Variants in UBE2K observed in about 807,000 individuals in gnomAD.
UBE2K encodes the protein ubiquitin conjugating enzyme E2 K.
UBE2K carries 6 observed loss-of-function variants against 30.0 expected under a neutral mutation model. The ratio of observed to expected loss-of-function variants is 0.20; its 90% CI spans 0.11 to 0.39. The LOEUF is 0.39. Ranked by LOEUF, UBE2K falls within the 10% of genes least tolerant of loss-of-function variation. UBE2K has a pLI of 1.00. For missense variants in UBE2K, 61 were observed against 241.6 expected, an observed-to-expected ratio of 0.25 and a Z score of 4.96; for synonymous variants, 86 against 83.7, an observed-to-expected ratio of 1.03 and a Z score of -0.15.
chr4:39,705,186 G>GCCCAGCCAAGACTATATACT, intron 1 of UBE2K, among the ~76,000 whole-genome samples: 1 of 144,752 alleles, frequency 6.9e-6, no homozygotes, highest in East Asian at 2.1e-4. Context: ...ATGAGCCACT[G>GCCCAGCCAAGACTATATACT]CACCTGGGTT....
chr4:39,709,029 C>T (rs898386548), intron 1 of UBE2K, among the ~76,000 whole-genome samples: 3 of 151,018 alleles, frequency 2.0e-5, no homozygotes, highest in South Asian at 2.1e-4. Context: ...TAATTAAGGG[C>T]GTGGGCTTTA....
Position 39,755,381 on chromosome 4 carries a change from C to T in UBE2K, c.217-276C>T, listed in dbSNP as rs116244724. Among the ~76,000 whole-genome samples the T allele has an allele frequency of 4.8e-3, 738 of 152,286 alleles. 5 individuals carry two copies. Among genetic ancestry groups the T allele is most frequent in the Non-Finnish European group, 7.4e-3 (502 of 68,020 alleles). On this transcript the variant is annotated intron_variant, in intron 3 of 6. Coordinates refer to ENST00000261427, the MANE Select transcript of UBE2K (RefSeq NM_005339.5). ...ATTCTCTGTTGTATTCTCATAGCAT[C>T]TACCATTATTCTAGGTAAATTGTAA...
chr4:39,736,185 G>A (rs1339720288), intron 1 of UBE2K, among the ~76,000 whole-genome samples: 4 of 152,108 alleles, frequency 2.6e-5, no homozygotes, highest in South Asian at 2.1e-4. Context: ...GATATAGGCC[G>A]GGCACGGTGC....
intron 1 of UBE2K, among the ~76,000 whole-genome samples, chr4:39,729,691 T>G (rs1719966242): frequency 6.6e-6 from 1 of 152,172 alleles, no homozygotes; most frequent in African/African-American, 2.4e-5. Flanking sequence ...ACACTTCAAA[T>G]TTTTATTATT....
chr4:39,702,636 A>C (rs1320407323), intron 1 of UBE2K, among the ~76,000 whole-genome samples: 1 of 151,846 alleles, frequency 6.6e-6, no homozygotes, highest in Admixed American at 6.6e-5. Context: ...TAGTACATTA[A>C]GTTTTCCCTC....
intron 1 of UBE2K, among the ~76,000 whole-genome samples, chr4:39,707,628 C>G (rs1470171211): frequency 6.6e-6 from 1 of 151,150 alleles, no homozygotes; most frequent in Non-Finnish European, 1.5e-5. Context: ...TTCTAGCAGG[C>G]CTTCCACCTC....
intron 1 of UBE2K, chr4:39,714,298 GC>G: frequency 4.9e-6 from 1 of 204,230 alleles, no homozygotes. Flanking sequence ...TGAGCTGCCT[GC>G]CATCCAGTTT....
Position 39,713,286 on chromosome 4 carries a change from A to ATTTTTT in UBE2K, c.63+14907_63+14912dup, listed in dbSNP as rs56104487. ...TAGTTTTCTCCTTCTTCTGTAGGAA[A>ATTTTTT]TTTTTTTTTTTTTTTTGAGACAGTT... On this transcript the variant is annotated intron_variant, in intron 1 of 6. Transcript: ENST00000261427. Among the ~76,000 whole-genome samples the ATTTTTT allele has an allele frequency of 9.7e-4, 81 of 83,568 alleles. 3 individuals carry two copies. The highest frequency in any genetic ancestry group is 7.1e-3 in the Middle Eastern group (1 of 140). 54.8% of individuals were successfully genotyped at this position (83,568 alleles called of 152,430 possible). A position where few individuals can be genotyped will look rare whatever the true frequency, so the allele number is the denominator to read the frequency against.
intron 4 of UBE2K, among the ~76,000 whole-genome samples, chr4:39,769,102 G>A (rs752533419): frequency 6.6e-6 from 1 of 151,940 alleles, no homozygotes; most frequent in Admixed American, 6.6e-5. Context: ...AAAGTATTGG[G>A]ATTACAGACA....
intron 1 of UBE2K, among the ~76,000 whole-genome samples, chr4:39,735,629 C>T (rs966513693): frequency 2.0e-5 from 3 of 152,210 alleles, no homozygotes; most frequent in Non-Finnish European, 4.4e-5. Flanking sequence ...GATCTGCCCG[C>T]CTCAGCCTCC....
intron 3 of UBE2K, among the ~76,000 whole-genome samples, chr4:39,754,171 G>A (rs961094252): frequency 6.6e-6 from 1 of 152,156 alleles, no homozygotes; most frequent in Admixed American, 6.5e-5. Flanking sequence ...GGAGGGAACA[G>A]AAGGGAAGGC....
At chr4:39,738,522 C>G (rs1720500099) in intron 2 of UBE2K, among the ~76,000 whole-genome samples, 1 of 152,090 alleles carries the variant, frequency 6.6e-6, no homozygotes. Flanking sequence ...CAAAGTTTTA[C>G]TGTTACCCAA....
chr4:39,741,867 A>G (rs1404352157), intron 2 of UBE2K, among the ~76,000 whole-genome samples: 1 of 152,172 alleles, frequency 6.6e-6, no homozygotes, highest in African/African-American at 2.4e-5. Flanking sequence ...AATTTTTAAT[A>G]TTAAAAGCTA....
chr4:39,762,066 C>G (rs1160409424), intron 4 of UBE2K, among the ~76,000 whole-genome samples: 1 of 151,860 alleles, frequency 6.6e-6, no homozygotes, highest in Non-Finnish European at 1.5e-5. Context: ...GTAATCCTAG[C>G]TACTCTGGAG....
chr4:39,711,756 G>GC (rs1718700273), intron 1 of UBE2K, among the ~76,000 whole-genome samples: 1 of 151,706 alleles, frequency 6.6e-6, no homozygotes, highest in African/African-American at 2.4e-5. Context: ...AAAGAGTTCT[G>GC]CCCGGGAGAG....
At chr4:39,718,101 T>C (rs1397118065) in intron 1 of UBE2K, among the ~76,000 whole-genome samples, 1 of 152,156 alleles carries the variant, frequency 6.6e-6, no homozygotes, top group Admixed American at 6.5e-5. Flanking sequence ...TCAGGCAGCC[T>C]GTTTTTATTC....
rs1203168422 is a variant in UBE2K at position 39,781,022 on chromosome 4, T to C, written c.*2588T>C. The stretch of plus-strand genomic sequence containing the variant: ...CTGATGCTCCAGTAGGCTTTTGTTA[T>C]AATCAGGCCTGTTTCCTGAGTATGT... On this transcript the variant is annotated 3_prime_UTR_variant, in exon 7 of 7. Transcript: ENST00000261427. 3 of 152,190 alleles carry C rather than the reference T, an allele frequency of 2.0e-5. No homozygotes were observed. The highest frequency in any genetic ancestry group is 4.8e-5 in the African/African-American group (2 of 41,460). The allele number at this position is 152,190 out of a possible 1,614,324, so 9.4% of individuals were successfully genotyped here.
At chr4:39,743,383 C>T (rs545998670) in intron 2 of UBE2K, among the ~76,000 whole-genome samples, 5 of 152,224 alleles carry the variant, frequency 3.3e-5, no homozygotes, top group Non-Finnish European at 7.4e-5. Flanking sequence ...GCGGGTGGAT[C>T]ACAAGGTCAG....
rs543227814 is a variant in UBE2K, at chr4:39,779,914, T to C, written c.*1480T>C. 1 of 152,264 alleles carries C rather than the reference T, an allele frequency of 6.6e-6. No individual in the cohort carries two copies. Among genetic ancestry groups the C allele is most frequent in the Admixed American group, 6.5e-5 (1 of 15,282 alleles). 9.4% of individuals were successfully genotyped at this position (152,264 alleles called of 1,614,324 possible). A position where few individuals can be genotyped will look rare whatever the true frequency, so the allele number is the denominator to read the frequency against. On this transcript the variant is annotated 3_prime_UTR_variant, in exon 7 of 7. Transcript: ENST00000261427. The stretch of plus-strand genomic sequence containing the variant: ...ATCGTTAAATGTTTGGAAGATAATT[T>C]TTGAATCATAACGTCAGCATAACTT...
Sources: allele counts gnomAD v4.1 joint callset (sites outside exome capture counted in the v4.1 genomes callset), GRCh38; gene constraint gnomAD v4.1.1; transcripts MANE v1.5; gene names NCBI Gene and HGNC (gene_info 2026-07-23, HGNC 2026-07-21).